The following SP140L variants were observed in gnomAD, a reference collection of about 807,000 sequenced individuals.
SP140L encodes nuclear body protein SP140-like protein.
A neutral mutation model predicts 84.3 loss-of-function variants in SP140L; 64 were observed. The observed-to-expected ratio is 0.76, with a 90% CI of 0.62 to 0.94. The LOEUF is 0.94. Among genes scored for constraint, SP140L ranks in the 40% least tolerant of loss-of-function variants. The pLI, the probability that SP140L is intolerant of heterozygous loss-of-function variation, is 0.00. For missense variants in SP140L, 628 were observed against 692.5 expected, an observed-to-expected ratio of 0.91 and a Z score of 1.05; for synonymous variants, 242 against 236.9, an observed-to-expected ratio of 1.02 and a Z score of -0.20.
At chr2:230,370,710 C>G (rs1353296417) in intron 5 of SP140L, among the ~76,000 whole-genome samples, 198 bp from the exon 6 acceptor site, 1 of 151,646 alleles carries the variant, frequency 6.6e-6, no homozygotes, top group Non-Finnish European at 1.5e-5. Context: ...AAAAGGGAGA[C>G]TTAAAGGAAG....
chr2:230,363,726 A>G (rs941051416), intron 5 of SP140L, among the ~76,000 whole-genome samples: 4 of 123,198 alleles, frequency 3.2e-5, no homozygotes, highest in Non-Finnish European at 4.7e-5. Flanking sequence ...TTTTGGTGTC[A>G]TACCAAAAAC....
At chr2:230,331,162 G>T (rs994263910) in intron 2 of SP140L, among the ~76,000 whole-genome samples, 1 of 152,130 alleles carries the variant, frequency 6.6e-6, no homozygotes, top group African/African-American at 2.4e-5. Flanking sequence ...ACATGCTAAG[G>T]TTGCTAATAT....
At chr2:230,380,628 C>G (rs1353759073) in intron 7 of SP140L, among the ~76,000 whole-genome samples, 2 of 152,184 alleles carry the variant, frequency 1.3e-5, no homozygotes, top group African/African-American at 4.8e-5. Context: ...TATATCCTTT[C>G]TGGTATATCT....
At chr2:230,365,722 A>G (rs1183570279) in intron 5 of SP140L, among the ~76,000 whole-genome samples, 2 of 151,962 alleles carry the variant, frequency 1.3e-5, no homozygotes, top group African/African-American at 4.8e-5. Flanking sequence ...GTGTAACATT[A>G]GGCTGTTTGA....
At chr2:230,360,271 G>C (rs1391049975) in intron 4 of SP140L, among the ~76,000 whole-genome samples, 1 of 152,178 alleles carries the variant, frequency 6.6e-6, no homozygotes, top group Non-Finnish European at 1.5e-5. Flanking sequence ...AGCAGTATAG[G>C]AGCTGACTTA....
chr2:230,341,894 A>T (rs1378630664), intron 2 of SP140L, among the ~76,000 whole-genome samples: 2 of 151,978 alleles, frequency 1.3e-5, no homozygotes, highest in Non-Finnish European at 2.9e-5. Context: ...GCTCTCTTCA[A>T]AGCTGTCAGA....
At chr2:230,367,259 T>A (rs531492919) in intron 5 of SP140L, among the ~76,000 whole-genome samples, 7 of 151,570 alleles carry the variant, frequency 4.6e-5, no homozygotes, top group African/African-American at 1.7e-4. Context: ...TCTCATTTTC[T>A]TTTCTTTTCT....
chr2:230,354,934 A>AG (rs2060497059), intron 2 of SP140L, among the ~76,000 whole-genome samples: 1 of 151,772 alleles, frequency 6.6e-6, no homozygotes, highest in East Asian at 1.9e-4. Context: ...AGAAAAAAGA[A>AG]AAAGAAAAAG....
At chr2:230,394,033 T>C (rs2061942212) in intron 13 of SP140L, among the ~76,000 whole-genome samples, 2 of 152,236 alleles carry the variant, frequency 1.3e-5, no homozygotes, top group Admixed American at 1.3e-4. Context: ...CACAGAATTC[T>C]TTCTCAATGG....
intron 7 of SP140L, among the ~76,000 whole-genome samples, chr2:230,375,485 T>C (rs2061214668): frequency 6.6e-6 from 1 of 152,208 alleles, no homozygotes; most frequent in Non-Finnish European, 1.5e-5. Flanking sequence ...TTTTCTGTAA[T>C]GGCTGTACCA....
At chr2:230,352,622 C>T (rs2060398815) in intron 2 of SP140L, among the ~76,000 whole-genome samples, 1 of 152,084 alleles carries the variant, frequency 6.6e-6, no homozygotes, top group African/African-American at 2.4e-5. Flanking sequence ...GACACAGAGC[C>T]AAACCATATC....
In SP140L at chr2:230,357,841, T is replaced by G; in HGVS notation, c.144T>G (p.Leu48=). 6.2e-7 allele frequency: 1 copy of G among 1,613,054 alleles called. No homozygotes were observed. Among genetic ancestry groups the G allele is most frequent in the Admixed American group, 1.7e-5 (1 of 59,734 alleles). The change falls in exon 3 of 19, where the codon CTT becomes CTG. Residue 48 remains leucine, a synonymous_variant. Coordinates refer to ENST00000415673, the MANE Select transcript of SP140L (RefSeq NM_138402.6). The stretch of plus-strand genomic sequence containing the variant: ...AAGACCAGGATGTAGATGAGGGACT[T>G]GTCTATGACACTGTATTCAAGCACT... ...FTEDQDVDEG[L]VYDTVFKHFK...
At chr2:230,362,534 A>AGAAG (rs2060749859) in intron 5 of SP140L, among the ~76,000 whole-genome samples, 1 of 152,042 alleles carries the variant, frequency 6.6e-6, no homozygotes, top group South Asian at 2.1e-4. Context: ...AGAGAGAGAG[A>AGAAG]GAAGGAAGGA....
chr2:230,400,806 T>C (rs2062298003), intron 15 of SP140L, 149 bp from the exon 16 acceptor site: 1 of 1,554,994 alleles, frequency 6.4e-7, no homozygotes, highest in Non-Finnish European at 8.7e-7. Flanking sequence ...GGAGACCCCA[T>C]GTGCAGTTCT....
At chr2:230,388,815 G>A in intron 10 of SP140L, 182 bp downstream of exon 10, 1 of 579,172 alleles carries the variant, frequency 1.7e-6, no homozygotes, top group South Asian at 3.0e-5. Context: ...AAGTAAGTTG[G>A]TGATGGATCT....
chr2:230,335,915 CAGA>C (rs1446992163), intron 2 of SP140L, among the ~76,000 whole-genome samples: 2 of 152,142 alleles, frequency 1.3e-5, no homozygotes, highest in Non-Finnish European at 1.5e-5. Context: ...ACTGAAAGTA[CAGA>C]AGATTTATTG....
Position 230,402,937 on chromosome 2 carries a change from C to A in SP140L, c.*41C>A. 1 of 1,516,750 alleles carries A rather than the reference C, an allele frequency of 6.6e-7. No homozygotes were observed. Among genetic ancestry groups the A allele is most frequent in the Admixed American group, 2.0e-5 (1 of 50,770 alleles). The allele number at this position is 1,516,750 out of a possible 1,614,324, so 94.0% of individuals were successfully genotyped here. A position where few individuals can be genotyped will look rare whatever the true frequency, so the allele number is the denominator to read the frequency against. On this transcript the variant is annotated 3_prime_UTR_variant, in exon 19 of 19. Transcript: ENST00000415673. ...CTGAAGGCCTTCAGGAAATATGCTACTGGTTGCCACTGACTTCAAACTGAG... is the reference window on the plus strand; with the variant it reads ...CTGAAGGCCTTCAGGAAATATGCTAATGGTTGCCACTGACTTCAAACTGAG...
intron 2 of SP140L, among the ~76,000 whole-genome samples, chr2:230,352,775 T>C (rs549640965): frequency 6.6e-6 from 1 of 152,106 alleles, no homozygotes; most frequent in Non-Finnish European, 1.5e-5. Context: ...CCTATCGCAT[T>C]AGCTAAAGCT....
Position 230,372,542 on chromosome 2 carries a change from G to A in SP140L, c.637+891G>A, listed in dbSNP as rs536950449. 3 of 151,950 alleles carry A rather than the reference G, an allele frequency of 2.0e-5. No homozygotes were observed. The East Asian group carries it at 5.8e-4, about 29-fold the overall frequency. 9.4% of individuals were successfully genotyped at this position (151,950 alleles called of 1,614,324 possible). On this transcript the variant is annotated intron_variant, in intron 7 of 18. Transcript: ENST00000415673. ...AGATCGAGACCATCTTGGCTAACAC[G>A]GTGAAACCCCGTTTCTACTAAAAAT...
Sources: allele counts gnomAD v4.1 joint callset (sites outside exome capture counted in the v4.1 genomes callset), GRCh38; gene constraint gnomAD v4.1.1; transcripts MANE v1.5; gene names NCBI Gene and HGNC (gene_info 2026-07-23, HGNC 2026-07-21).